The following DESI2 variants were observed in gnomAD, a reference collection of about 807,000 sequenced individuals.
The protein encoded by DESI2 is deubiquitinase DESI2.
A neutral mutation model predicts 24.1 loss-of-function variants in DESI2; 10 were observed. The observed-to-expected ratio is 0.41, with a 90% confidence interval of 0.26 to 0.70. The LOEUF (loss-of-function observed/expected upper bound fraction) is 0.70. Ranked by LOEUF, DESI2 falls within the 30% of genes least tolerant of loss-of-function variation. The probability of loss-of-function intolerance (pLI) is 0.29; values close to 1 mark genes in which losing one functional copy is unlikely to be tolerated. For synonymous variants in DESI2, 71 were observed against 87.7 expected (o/e 0.81, Z 1.06); for missense variants, 122 against 234.9 (o/e 0.52, Z 3.14).
chr1:244,684,148 A>T (rs902095984), intron 1 of DESI2, among the ~76,000 whole-genome samples: 2 of 152,204 alleles, frequency 1.3e-5, no homozygotes, highest in African/African-American at 4.8e-5. Context: ...TCTTATGCTT[A>T]TGGTTTTTTA....
At chr1:244,700,223 G>A (rs975159674) in intron 4 of DESI2, among the ~76,000 whole-genome samples, 3 of 152,066 alleles carry the variant, frequency 2.0e-5, no homozygotes, top group Non-Finnish European at 4.4e-5. Flanking sequence ...ATCAAACCTC[G>A]AGGTGGAAAA....
chr1:244,706,260 T>C lies in DESI2; in HGVS notation c.*471T>C, dbSNP rs1176087092. The stretch of plus-strand genomic sequence containing the variant: ...CCATCACCTGCTTCAGAATGGTCTT[T>C]TAGATTTGTGTTTGTTTTGTTAAAG... On this transcript the variant is annotated 3_prime_UTR_variant, in exon 5 of 5. Transcript: ENST00000302550. The C allele has an allele frequency of 6.0e-6, 1 of 166,000 alleles. No individual in the cohort carries two copies. Among genetic ancestry groups the C allele is most frequent in the Non-Finnish European group, 1.3e-5 (1 of 76,296 alleles). 10.3% of individuals were successfully genotyped at this position (166,000 alleles called of 1,614,324 possible). A position where few individuals can be genotyped will look rare whatever the true frequency, so the allele number is the denominator to read the frequency against.
chr1:244,656,201 A>C, intron 1 of DESI2: 1 of 152,192 alleles, frequency 6.6e-6, no homozygotes, highest in East Asian at 1.9e-4. Context: ...ATGCCCTTAT[A>C]ATCATGGTTA....
chr1:244,700,035 T>C (rs771035061), intron 4 of DESI2, among the ~76,000 whole-genome samples: 28 of 152,206 alleles, frequency 1.8e-4, no homozygotes, highest in South Asian at 4.1e-4. Context: ...TGTCTTCAGG[T>C]AGTCCCTCTG....
At chr1:244,669,506 C>T (rs1039213725) in intron 1 of DESI2, among the ~76,000 whole-genome samples, 11 of 151,804 alleles carry the variant, frequency 7.2e-5, no homozygotes, top group Admixed American at 2.0e-4. Context: ...TGGAGAAACC[C>T]CATCACTACT....
At chr1:244,654,524 T>A (rs1675579991) in intron 1 of DESI2, among the ~76,000 whole-genome samples, 1 of 152,232 alleles carries the variant, frequency 6.6e-6, no homozygotes, top group Admixed American at 6.5e-5. Context: ...AGGAACTGCC[T>A]GCCACTTGAG....
chr1:244,688,239 A>G (rs553757822), intron 2 of DESI2, among the ~76,000 whole-genome samples: 2 of 152,342 alleles, frequency 1.3e-5, no homozygotes, highest in Non-Finnish European at 2.9e-5. Flanking sequence ...TTTCCGTACT[A>G]TAATTGAGAA....
chr1:244,694,841 A>G lies in DESI2; in HGVS notation c.351+2821A>G, dbSNP rs1195304666. The G allele has an allele frequency of 1.3e-5, 7 of 519,038 alleles. No individual in the cohort carries two copies. The East Asian group carries it at 1.9e-4, about 14-fold the overall frequency. 32.2% of individuals were successfully genotyped at this position (519,038 alleles called of 1,614,324 possible). ...TGCAGTGGCAGAGTTGAGTAGCTGC[A>G]GCAAAGATTTATGGCCTATAAAGCC... is the stretch of plus-strand genomic sequence containing the variant. On this transcript the variant is annotated intron_variant, in intron 4 of 4. Transcript: ENST00000302550.
At chr1:244,656,018 C>T (rs976803165) in intron 1 of DESI2, among the ~76,000 whole-genome samples, 5 of 152,152 alleles carry the variant, frequency 3.3e-5, no homozygotes, top group African/African-American at 1.2e-4. Context: ...TTTCTCAAGT[C>T]AGTTTTGGTT....
intron 1 of DESI2, among the ~76,000 whole-genome samples, chr1:244,664,019 GGA>G (rs1491330677): frequency 8.5e-5 from 4 of 47,130 alleles, no homozygotes; most frequent in African/African-American, 3.6e-4. Context: ...CTCCGTCTCA[GGA>G]AAAAAAAAAA....
intron 1 of DESI2, among the ~76,000 whole-genome samples, chr1:244,665,213 C>A (rs1012546072): frequency 3.3e-5 from 5 of 151,636 alleles, no homozygotes; most frequent in Non-Finnish European, 7.4e-5. Flanking sequence ...TAAGCCATTT[C>A]CTTATATTAT....
At chr1:244,661,544 T>A (rs1675843286) in intron 1 of DESI2, among the ~76,000 whole-genome samples, 1 of 152,194 alleles carries the variant, frequency 6.6e-6, no homozygotes, top group Non-Finnish European at 1.5e-5. Context: ...TATCTCCTAA[T>A]GCTATCCCTC....
chr1:244,692,068 C>G (rs928984881), intron 4 of DESI2, 48 bp downstream of exon 4: 2 of 1,479,452 alleles, frequency 1.4e-6, no homozygotes, highest in Non-Finnish European at 1.8e-6. Flanking sequence ...TATTTGCTAT[C>G]CCACTATACT....
chr1:244,682,517 C>T (rs1676653249), intron 1 of DESI2, among the ~76,000 whole-genome samples: 2 of 152,192 alleles, frequency 1.3e-5, no homozygotes, highest in African/African-American at 4.8e-5. Context: ...TCCCTTTCAT[C>T]CACCTCTGGT....
Position 244,689,826 on chromosome 1 carries a change from AATG to A in DESI2, c.209+487_209+489del, listed in dbSNP as rs1370994228. 6.6e-6 allele frequency among the ~76,000 whole-genome samples: 1 copy of A among 152,210 alleles called. No homozygotes were observed. Among genetic ancestry groups the A allele is most frequent in the Non-Finnish European group, 1.5e-5 (1 of 68,034 alleles). On this transcript the variant is annotated intron_variant, in intron 3 of 4. Transcript: ENST00000302550. The surrounding 1 kb of genome is among the most constrained non-coding windows in gnomAD (Gnocchi z 4.0). Reference sequence around the variant, plus strand: ...CGCCCAGCCCAGGAAACTCCTTTCTAATGATTTCTTCCCCTCAATCTCCTGTTT... The same window carrying A: ...CGCCCAGCCCAGGAAACTCCTTTCTAATTTCTTCCCCTCAATCTCCTGTTT...
chr1:244,655,869 T>G (rs1034744171), intron 1 of DESI2, among the ~76,000 whole-genome samples: 1 of 152,190 alleles, frequency 6.6e-6, no homozygotes, highest in African/African-American at 2.4e-5. Flanking sequence ...AGAACTTCTT[T>G]AGTCAGATGT....
chr1:244,661,558 G>A lies in DESI2; in HGVS notation c.42+8203G>A, dbSNP rs533764956. On this transcript the variant is annotated intron_variant, in intron 1 of 4. Transcript: ENST00000302550. ...ATATCTCCTAATGCTATCCCTCCCC[G>A]CTCCCCCCACCCCACCACAGGCCCC... Among the ~76,000 whole-genome samples, 310 of 138,082 alleles carry A rather than the reference G, an allele frequency of 2.2e-3. 1 individual carries two copies. Among genetic ancestry groups the A allele is most frequent in the East Asian group, 0.022 (94 of 4,190 alleles). The allele number at this position is 138,082 out of a possible 152,430, so 90.6% of individuals were successfully genotyped here.
At chr1:244,693,478 C>T (rs1439091468) in intron 4 of DESI2, among the ~76,000 whole-genome samples, 1 of 151,690 alleles carries the variant, frequency 6.6e-6, no homozygotes, top group Non-Finnish European at 1.5e-5. Context: ...GTCACCCAGG[C>T]TGGAGTGCAG....
chr1:244,705,478 C>A, intron 4 of DESI2, 78 bp from the exon 5 acceptor site: 51 of 1,234,874 alleles, frequency 4.1e-5, no homozygotes, highest in Non-Finnish European at 4.7e-5. Flanking sequence ...CCCCCCTCCT[C>A]CCACCCTCCA....
Sources: allele counts gnomAD v4.1 joint callset (sites outside exome capture counted in the v4.1 genomes callset), GRCh38; gene constraint gnomAD v4.1.1; non-coding constraint Gnocchi (gnomAD v3.1); transcripts MANE v1.5; gene names NCBI Gene and HGNC (gene_info 2026-07-23, HGNC 2026-07-21).